BLTP2: variants seen among roughly 807,000 people sequenced by gnomAD.
BLTP2 encodes U937-associated antigen.
chr17:28,634,779 G>A, the BLTP2 span: 5 of 1,614,068 alleles, frequency 3.1e-6, no homozygotes, highest in Admixed American at 6.7e-5. Flanking sequence ...GTTCCAAAGA[G>A]GCATAGAGCT....
chr17:28,619,770 C>G, the BLTP2 span: 1 of 1,614,048 alleles, frequency 6.2e-7, no homozygotes, highest in Non-Finnish European at 8.5e-7. Context: ...TGTCATCCTG[C>G]AAAGACTAGG....
At chr17:28,641,639 T>C in the BLTP2 span, among the ~76,000 whole-genome samples, 2 of 149,562 alleles carry the variant, frequency 1.3e-5, no homozygotes, top group South Asian at 4.2e-4. Context: ...AGACTCCATC[T>C]TTTTTTTTAA....
chr17:28,640,540 T>C, the BLTP2 span: 2 of 1,613,228 alleles, frequency 1.2e-6, no homozygotes, highest in Non-Finnish European at 1.7e-6. Context: ...TCCCATCTTC[T>C]GTGTCAGGAG....
chr17:28,615,893 C>A, the BLTP2 span: 4 of 1,347,792 alleles, frequency 3.0e-6, no homozygotes, highest in Non-Finnish European at 4.2e-6. Flanking sequence ...GTGCCAAGTC[C>A]TACAATAGTA....
At chr17:28,644,206 T>A in the BLTP2 span, 2 of 1,611,758 alleles carry the variant, frequency 1.2e-6, no homozygotes, top group Non-Finnish European at 1.7e-6. Context: ...AAATTCCTGT[T>A]AATTCATAGG....
At chr17:28,615,592 T>A in the BLTP2 span, 2 of 1,557,994 alleles carry the variant, frequency 1.3e-6, no homozygotes, top group South Asian at 2.4e-5. Context: ...GATTCTAAAA[T>A]GAAAGGCTCC....
the BLTP2 span, chr17:28,616,748 A>G: frequency 2.0e-5 from 32 of 1,614,098 alleles, 1 homozygote; most frequent in Middle Eastern, 3.1e-3. This position sits in a 1 kb window ranked among gnomAD's most constrained non-coding sequence, Gnocchi z 4.8. Flanking sequence ...GAGGCACCAC[A>G]TTTACCTAAA....
chr17:28,640,816 T>C, the BLTP2 span: 1 of 770,208 alleles, frequency 1.3e-6, no homozygotes, highest in Non-Finnish European at 2.1e-6. Context: ...GGATGGACCA[T>C]AAGGCGAATG....
chr17:28,636,509 G>A, the BLTP2 span, among the ~76,000 whole-genome samples: 4 of 152,124 alleles, frequency 2.6e-5, no homozygotes, highest in Non-Finnish European at 5.9e-5. Context: ...TGTCTGATAC[G>A]TACTTACCTA....
the BLTP2 span, chr17:28,615,038 G>A: frequency 5.0e-6 from 8 of 1,597,590 alleles, no homozygotes; most frequent in Admixed American, 1.3e-4. Flanking sequence ...GTCAGATCCT[G>A]TACTGCAGCC....
the BLTP2 span, chr17:28,618,864 C>A: frequency 6.2e-7 from 1 of 1,614,158 alleles, no homozygotes; most frequent in Non-Finnish European, 8.5e-7. Context: ...CAGGCGCCAC[C>A]GTGCCTGAGC....
At chr17:28,639,281 T>G in the BLTP2 span, 1 of 1,611,984 alleles carries the variant, frequency 6.2e-7, no homozygotes, top group Admixed American at 1.7e-5. Flanking sequence ...AGAATCCAAC[T>G]GACAAGAAGG....
the BLTP2 span, chr17:28,615,255 T>C: frequency 3.8e-6 from 6 of 1,595,838 alleles, no homozygotes; most frequent in Non-Finnish European, 5.1e-6. Flanking sequence ...ACCTGGCAGA[T>C]TGGAGAGGAG....
chr17:28,621,741 C>T, the BLTP2 span, among the ~76,000 whole-genome samples: 1 of 152,160 alleles, frequency 6.6e-6, no homozygotes, highest in African/African-American at 2.4e-5. Context: ...CCACAGGTCT[C>T]GAGCCAGAAA....
the BLTP2 span, chr17:28,633,770 G>A: frequency 1.2e-6 from 2 of 1,609,146 alleles, no homozygotes; most frequent in African/African-American, 1.3e-5. Flanking sequence ...GAGGAACAAA[G>A]GCTATAACTT....
At chr17:28,615,239 T>A in the BLTP2 span, 3 of 1,605,032 alleles carry the variant, frequency 1.9e-6, no homozygotes, top group Non-Finnish European at 2.6e-6. Flanking sequence ...TAGCTTCTCT[T>A]TGATTACCTG....
the BLTP2 span, chr17:28,619,816 TAGG>T: frequency 8.7e-6 from 14 of 1,613,660 alleles, no homozygotes; most frequent in Middle Eastern, 1.7e-4. Flanking sequence ...GCCCTCGTTC[TAGG>T]AGACTTCCTG....
chr17:28,640,172 A>T, the BLTP2 span: 1 of 819,256 alleles, frequency 1.2e-6, no homozygotes, highest in South Asian at 1.7e-5. Context: ...AGGCAGGGGG[A>T]TCACGAGGTC....
chr17:28,624,449 T>C, the BLTP2 span: 1 of 1,481,988 alleles, frequency 6.7e-7, no homozygotes, highest in Non-Finnish European at 9.2e-7. Flanking sequence ...GACTTTTCCC[T>C]TTCCAGAGCC....
Sources: allele counts gnomAD v4.1 joint callset (sites outside exome capture counted in the v4.1 genomes callset), GRCh38; gene constraint gnomAD v4.1.1; non-coding constraint Gnocchi (gnomAD v3.1); transcripts MANE v1.5; gene names NCBI Gene and HGNC (gene_info 2026-07-23, HGNC 2026-07-21).